ZFHX3: variants seen among roughly 807,000 people sequenced by gnomAD.
ZFHX3 encodes zinc finger homeobox 3.
In ZFHX3, 42 loss-of-function variants were observed where a neutral mutation model predicts 279.1. The observed-to-expected ratio is 0.15, with a 90% CI of 0.12 to 0.19. ZFHX3 has a LOEUF of 0.19. ZFHX3 is among the 10% of genes least tolerant of loss of function. ZFHX3 has a pLI of 1.00. For synonymous variants in ZFHX3, 2,293 were observed against 1,957.8 expected (o/e 1.17, Z -4.52); for missense variants, 4,981 against 4,754.0 (o/e 1.05, Z -1.40).
chr16:73,775,974 C>A (rs1168231619), intron 1 of ZFHX3, among the ~76,000 whole-genome samples: 3 of 152,096 alleles, frequency 2.0e-5, no homozygotes, highest in African/African-American at 7.2e-5. Context: ...TTTCAAATAA[C>A]CTAAACCAAC....
intron 2 of ZFHX3, among the ~76,000 whole-genome samples, chr16:73,465,697 G>C (rs551277026): frequency 6.6e-6 from 1 of 152,140 alleles, no homozygotes; most frequent in Non-Finnish European, 1.5e-5. Context: ...CTTTGCTTAC[G>C]TCTTCCCCCT....
Position 73,871,422 on chromosome 16 carries a change from C to A in ZFHX3, c.-1608+20229G>T, listed in dbSNP as rs575260237. 2.6e-5 allele frequency among the ~76,000 whole-genome samples: 4 copies of A among 151,872 alleles called. No individual in the cohort carries two copies. In the South Asian group the frequency reaches 6.2e-4, roughly 24 times the overall value. ...AATTTTACTTCTTCTATTAACCCAA[C>A]GTGATTACAATGGCTTATTTCATGG... On this transcript the variant is annotated intron_variant, in intron 1 of 17. Transcript: ENST00000641206.
At chr16:73,763,875 A>T (rs1386427742) in intron 1 of ZFHX3, among the ~76,000 whole-genome samples, 1 of 145,472 alleles carries the variant, frequency 6.9e-6, no homozygotes, top group Admixed American at 7.2e-5. Context: ...GCTGCCATTA[A>T]TTCTGCGACC....
chr16:73,157,931 C>T (rs1197977755), intron 5 of ZFHX3, among the ~76,000 whole-genome samples: 1 of 151,346 alleles, frequency 6.6e-6, no homozygotes, highest in Non-Finnish European at 1.5e-5. Context: ...TCTCGGGATG[C>T]AGGAACTGAG....
At chr16:73,822,601 G>C (rs1960779612) in intron 1 of ZFHX3, among the ~76,000 whole-genome samples, 1 of 151,990 alleles carries the variant, frequency 6.6e-6, no homozygotes, top group South Asian at 2.1e-4. Flanking sequence ...GCTCGGCATA[G>C]ATACTGAAGG....
At chr16:72,875,756 G>A (rs1243921296) in intron 4 of ZFHX3, among the ~76,000 whole-genome samples, 1 of 152,172 alleles carries the variant, frequency 6.6e-6, no homozygotes, top group East Asian at 1.9e-4. Context: ...TCTAAAATGT[G>A]CAAGTCAAAT....
chr16:73,661,218 A>G (rs1488095375), intron 2 of ZFHX3, among the ~76,000 whole-genome samples: 1 of 152,258 alleles, frequency 6.6e-6, no homozygotes, highest in African/African-American at 2.4e-5. Context: ...AACCAGAAGC[A>G]AAGAAGCCTT....
At chr16:73,364,412 A>G (rs1487050574) in intron 3 of ZFHX3, among the ~76,000 whole-genome samples, 4 of 151,436 alleles carry the variant, frequency 2.6e-5, no homozygotes, top group Admixed American at 6.6e-5. Flanking sequence ...TAACAAATAT[A>G]TTAGTAGGTA....
chr16:73,711,316 G>T (rs73599937), intron 1 of ZFHX3, among the ~76,000 whole-genome samples: 2 of 152,046 alleles, frequency 1.3e-5, no homozygotes, highest in East Asian at 3.9e-4. Flanking sequence ...ACGCATTCTC[G>T]GTATAAGAAA....
At position 73,122,602 on chromosome 16, in the gene ZFHX3, C is replaced by T. The variant is rs1037289505; in HGVS notation, c.-897+8366G>A. ...TCTAGGCCACCACGGGGTGCAGTGACCAACTTGGGGGGCCATCAGGGGATT... is the reference window on the plus strand; with the variant it reads ...TCTAGGCCACCACGGGGTGCAGTGATCAACTTGGGGGGCCATCAGGGGATT... On this transcript the variant is annotated intron_variant, in intron 7 of 17. Coordinates refer to the ZFHX3 transcript ENST00000641206. Among the ~76,000 whole-genome samples the T allele has an allele frequency of 2.0e-5, 3 of 152,124 alleles. No individual in the cohort carries two copies. In the East Asian group the frequency reaches 5.8e-4, roughly 29 times the overall value.
chr16:73,799,053 C>T (rs967073446), intron 1 of ZFHX3, among the ~76,000 whole-genome samples: 2 of 152,124 alleles, frequency 1.3e-5, no homozygotes, highest in Non-Finnish European at 2.9e-5. Context: ...CCTGATGTGT[C>T]TATTTGGAAT....
chr16:73,195,096 C>G (rs1968116189), intron 5 of ZFHX3, among the ~76,000 whole-genome samples: 1 of 152,136 alleles, frequency 6.6e-6, no homozygotes, highest in Non-Finnish European at 1.5e-5. Context: ...CTCCAAATAC[C>G]TACTTAACAA....
chr16:73,176,135 C>G (rs1180145343), intron 5 of ZFHX3, among the ~76,000 whole-genome samples: 1 of 152,188 alleles, frequency 6.6e-6, no homozygotes, highest in Non-Finnish European at 1.5e-5. Flanking sequence ...TCTAAACCAT[C>G]TAGCACCGTC....
At chr16:72,818,640 C>T (rs1478424729) in intron 5 of ZFHX3, among the ~76,000 whole-genome samples, 1 of 152,206 alleles carries the variant, frequency 6.6e-6, no homozygotes, top group African/African-American at 2.4e-5. Flanking sequence ...CACATGTTCA[C>T]TCAGCAGGGG....
At chr16:73,266,031 C>T (rs1333077550) in intron 4 of ZFHX3, among the ~76,000 whole-genome samples, 1 of 152,154 alleles carries the variant, frequency 6.6e-6, no homozygotes, top group East Asian at 1.9e-4. Flanking sequence ...TGGGGAAGTC[C>T]GTTTCGAAAA....
chr16:73,221,017 C>A (rs1010448906), intron 5 of ZFHX3, among the ~76,000 whole-genome samples: 2 of 151,984 alleles, frequency 1.3e-5, no homozygotes, highest in African/African-American at 4.8e-5. Context: ...TTATCAAGGG[C>A]AAAGGAATCC....
chr16:73,647,349 G>C (rs535847012), intron 2 of ZFHX3, among the ~76,000 whole-genome samples: 11 of 152,322 alleles, frequency 7.2e-5, no homozygotes, highest in African/African-American at 2.6e-4. Flanking sequence ...TCTCATGGCA[G>C]ATTGGAGCAG....
Position 72,843,355 on chromosome 16 carries a change from C to T in ZFHX3, c.3449-13496G>A, listed in dbSNP as rs554239060. On this transcript the variant is annotated intron_variant, in intron 4 of 9. Transcript: ENST00000268489. ...GAAACCCCGTCTCTACTAAAAAATACAAAAAATTAGCCGGGCGTGGTGGCG... is the reference window on the plus strand; with the variant it reads ...GAAACCCCGTCTCTACTAAAAAATATAAAAAATTAGCCGGGCGTGGTGGCG... Among the ~76,000 whole-genome samples, 8 of 151,750 alleles carry T rather than the reference C, an allele frequency of 5.3e-5. No individual in the cohort carries two copies. The South Asian group carries it at 1.7e-3, about 32-fold the overall frequency.
chr16:72,998,253 T>A (rs1186550322), intron 1 of ZFHX3, among the ~76,000 whole-genome samples: 8 of 151,938 alleles, frequency 5.3e-5, no homozygotes, highest in Non-Finnish European at 1.2e-4. Context: ...ATACAAAAAT[T>A]AACCAGGTGT....
Sources: gnomAD v4.1 joint callset for allele counts (sites outside exome capture counted in the v4.1 genomes callset) on GRCh38, gnomAD v4.1.1 for gene constraint, MANE v1.5 for transcripts, NCBI Gene and HGNC (gene_info 2026-07-23, HGNC 2026-07-21) for gene names.